The following IMMP1L variants were observed in gnomAD, a reference collection of about 807,000 sequenced individuals.
The protein encoded by IMMP1L is mitochondrial inner membrane protease subunit 1.
In IMMP1L, 24 loss-of-function variants were observed where a neutral mutation model predicts 21.8. The ratio of observed to expected loss-of-function variants is 1.10; its 90% CI spans 0.80 to 1.55. IMMP1L has a LOEUF of 1.55. Among genes scored for constraint, IMMP1L ranks in the 40% most tolerant of loss-of-function variants. IMMP1L has a pLI of 0.00. For synonymous variants in IMMP1L, 46 were observed against 62.8 expected (o/e 0.73, Z 1.26); for missense variants, 195 against 200.7 (o/e 0.97, Z 0.17).
intron 4 of IMMP1L, chr11:31,453,075 T>C: frequency 2.3e-6 from 3 of 1,289,440 alleles, no homozygotes; most frequent in Non-Finnish European, 3.0e-6. Context: ...TAATAGGAAC[T>C]GCTTAGTTTC....
At chr11:31,490,221 C>A (rs910606483) in intron 1 of IMMP1L, among the ~76,000 whole-genome samples, 1 of 152,166 alleles carries the variant, frequency 6.6e-6, no homozygotes, top group Non-Finnish European at 1.5e-5. Context: ...TGCCTGTAAT[C>A]CCAGCACTTT....
intron 3 of IMMP1L, among the ~76,000 whole-genome samples, chr11:31,459,347 T>A (rs1954060025): frequency 6.6e-6 from 1 of 152,184 alleles, no homozygotes. Context: ...CTAAACCTAC[T>A]TAATATGCCA....
chr11:31,452,428 T>G (rs1055432610), intron 4 of IMMP1L: 4 of 985,342 alleles, frequency 4.1e-6, no homozygotes. Context: ...AGAGGTTTAC[T>G]TTGCATTTTG....
At chr11:31,478,829 T>C (rs1341212432) in intron 1 of IMMP1L, among the ~76,000 whole-genome samples, 2 of 152,152 alleles carry the variant, frequency 1.3e-5, no homozygotes, top group Admixed American at 1.3e-4. Flanking sequence ...TAACTATACT[T>C]TAAAATATTT....
chr11:31,493,943 T>C (rs1955340473), intron 1 of IMMP1L, among the ~76,000 whole-genome samples: 1 of 152,212 alleles, frequency 6.6e-6, no homozygotes, highest in African/African-American at 2.4e-5. Context: ...CTCTACGGCT[T>C]TGCAGGGTAC....
At chr11:31,482,935 C>T (rs1406026027) in intron 1 of IMMP1L, among the ~76,000 whole-genome samples, 1 of 151,834 alleles carries the variant, frequency 6.6e-6, no homozygotes, top group East Asian at 1.9e-4. Flanking sequence ...CGCAAATGTC[C>T]ACTAACAGTA....
chr11:31,444,020 C>T (rs543171370), intron 4 of IMMP1L, among the ~76,000 whole-genome samples: 1 of 152,190 alleles, frequency 6.6e-6, no homozygotes, highest in Admixed American at 6.5e-5. Flanking sequence ...CCTAAGCTCT[C>T]AATACCTCCA....
intron 1 of IMMP1L, among the ~76,000 whole-genome samples, chr11:31,499,982 A>ATAAATAAG (rs397797742): frequency 6.7e-6 from 1 of 150,232 alleles, no homozygotes; most frequent in Non-Finnish European, 1.5e-5. Flanking sequence ...AAATAAATAA[A>ATAAATAAG]GTGTAATCTG....
chr11:31,484,758 A>G (rs1437376588), intron 1 of IMMP1L, among the ~76,000 whole-genome samples: 1 of 151,952 alleles, frequency 6.6e-6, no homozygotes, highest in Non-Finnish European at 1.5e-5. Flanking sequence ...CCTGAAAAAA[A>G]GCTATTCCTC....
At chr11:31,459,948 G>A (rs182597312) in intron 3 of IMMP1L, among the ~76,000 whole-genome samples, 94 of 151,816 alleles carry the variant, frequency 6.2e-4, no homozygotes, top group South Asian at 1.4e-3. Flanking sequence ...CTTGAGCTCA[G>A]GAGTTTGAGA....
chr11:31,446,837 T>C (rs1953539701), intron 4 of IMMP1L, among the ~76,000 whole-genome samples: 1 of 152,258 alleles, frequency 6.6e-6, no homozygotes, highest in African/African-American at 2.4e-5. Flanking sequence ...TACTATACTG[T>C]AATTTCATCT....
intron 1 of IMMP1L, among the ~76,000 whole-genome samples, chr11:31,494,812 AT>A (rs1470380588): frequency 3.3e-5 from 5 of 151,930 alleles, no homozygotes; most frequent in Admixed American, 3.3e-4. Context: ...CGCCCAGCTA[AT>A]TTTTTGTATT....
At chr11:31,439,068 T>C (rs552936105) in intron 4 of IMMP1L, among the ~76,000 whole-genome samples, 1 of 152,306 alleles carries the variant, frequency 6.6e-6, no homozygotes, top group South Asian at 2.1e-4. Flanking sequence ...AATATATTTT[T>C]TCTCTGGTTA....
chr11:31,506,681 G>A (rs1312454697), intron 1 of IMMP1L, among the ~76,000 whole-genome samples: 2 of 148,482 alleles, frequency 1.3e-5, no homozygotes, highest in African/African-American at 4.9e-5. Context: ...AAAAAAGGCG[G>A]CTGGGCGCGG....
intron 1 of IMMP1L, among the ~76,000 whole-genome samples, chr11:31,469,154 TAC>T (rs1954460668): frequency 6.6e-6 from 1 of 152,196 alleles, no homozygotes; most frequent in South Asian, 2.1e-4. Flanking sequence ...ATTGGGCTAC[TAC>T]AGTTTTTAGT....
chr11:31,478,205 C>T (rs949463768), intron 1 of IMMP1L, among the ~76,000 whole-genome samples: 2 of 152,198 alleles, frequency 1.3e-5, no homozygotes, highest in Admixed American at 1.3e-4. Context: ...ACAGCCTGTG[C>T]TCTGCAATAT....
At chr11:31,473,419 C>A (rs1185774293) in intron 1 of IMMP1L, among the ~76,000 whole-genome samples, 2 of 152,106 alleles carry the variant, frequency 1.3e-5, no homozygotes, top group Non-Finnish European at 2.9e-5. Context: ...CAAAGTCATG[C>A]AGCTCATTAG....
chr11:31,464,130 C>A (rs1050594704), intron 1 of IMMP1L, among the ~76,000 whole-genome samples: 26 of 151,460 alleles, frequency 1.7e-4, no homozygotes, highest in South Asian at 6.3e-4. Context: ...TAAAATATAT[C>A]GATAATAATA....
At chr11:31,458,117 C>A (rs1010795520) in intron 3 of IMMP1L, among the ~76,000 whole-genome samples, 3 of 152,060 alleles carry the variant, frequency 2.0e-5, no homozygotes, top group Non-Finnish European at 4.4e-5. Flanking sequence ...ACAAACTTTG[C>A]ACTCGAATGG....
Sources: allele counts gnomAD v4.1 joint callset (sites outside exome capture counted in the v4.1 genomes callset), GRCh38; gene constraint gnomAD v4.1.1; transcripts MANE v1.5; gene names NCBI Gene and HGNC (gene_info 2026-07-23, HGNC 2026-07-21).